Variants in WRAP53 observed in about 807,000 individuals in gnomAD.
WRAP53 encodes the protein WD repeat containing antisense to TP53, also known as telomerase Cajal body protein 1.
WRAP53 carries 28 observed loss-of-function variants against 56.6 expected under a neutral mutation model. That is an observed-to-expected ratio of 0.50 (90% confidence interval 0.37 to 0.68). WRAP53 has a LOEUF of 0.68. WRAP53 is among the 30% of genes least tolerant of loss of function. The pLI is 0.00. For synonymous variants in WRAP53, 283 were observed against 283.4 expected, an observed-to-expected ratio of 1.00 and a Z score of 0.01; for missense variants, 671 against 715.5, an observed-to-expected ratio of 0.94 and a Z score of 0.71.
chr17:7,702,961 C>A lies in WRAP53; in HGVS notation c.1269-32C>A, dbSNP rs1168125599. The stretch of plus-strand genomic sequence containing the variant: ...GGGGTTCCTGCCCCAGGGGTGAGGC[C>A]TCTGCCAGCAAATCTCTCCTCTCTC... On this transcript the variant is annotated intron_variant, in intron 9 of 10. Transcript: ENST00000396463. The surrounding 1 kb of genome is among the most constrained non-coding windows in gnomAD (Gnocchi z 5.0). 1 of 1,613,210 alleles carries A rather than the reference C, an allele frequency of 6.2e-7. No individual in the cohort carries two copies. The highest frequency in any genetic ancestry group is 8.5e-7 in the Non-Finnish European group (1 of 1,180,014).
chr17:7,700,865 C>T (rs115388376), intron 5 of WRAP53, 36 bp downstream of exon 5: 1 of 1,503,122 alleles, frequency 6.7e-7, no homozygotes, highest in African/African-American at 1.4e-5. Flanking sequence ...GCCGCCCCAC[C>T]ACCCAGTTTC....
chr17:7,686,090 C>G (rs1408496711), upstream of WRAP53: 1 of 152,242 alleles, frequency 6.6e-6, no homozygotes, highest in East Asian at 1.9e-4. Context: ...GTTCCGCCTC[C>G]TACCAGGAAG....
intron 4 of WRAP53, among the ~76,000 whole-genome samples, chr17:7,693,727 T>A (rs972742218): frequency 4.0e-5 from 6 of 151,474 alleles, no homozygotes; most frequent in African/African-American, 1.2e-4. Flanking sequence ...CAAAAAAAAA[T>A]AATAAAATTA....
Position 7,688,542 on chromosome 17 carries a change from A to T in WRAP53, c.-21A>T, listed in dbSNP as rs1449761975. Reference sequence around the variant, plus strand: ...TCCCGGGAGTCTTCTGCCTACTCCCAGAAGAGGAGGGAAGCACAGGTGGGT... The same window carrying T: ...TCCCGGGAGTCTTCTGCCTACTCCCTGAAGAGGAGGGAAGCACAGGTGGGT... On this transcript the variant is annotated 5_prime_UTR_variant, in exon 1 of 11. Transcript: ENST00000396463. 10 of 1,253,486 alleles carry T rather than the reference A, an allele frequency of 8.0e-6. No homozygotes were observed. The African/African-American group carries it at 1.5e-4, about 19-fold the overall frequency. 77.6% of individuals were successfully genotyped at this position (1,253,486 alleles called of 1,614,324 possible).
Position 7,702,350 on chromosome 17 carries a change from A to T in WRAP53, c.962A>T (p.Lys321Met). Residue 321 changes from lysine (K) to methionine (M), a missense_variant, in exon 8 of 11, where the codon AAG becomes ATG. Lys to Met is a moderately conservative substitution (Grantham distance 95, BLOSUM62 -1). Around this residue, in one of 3 missense-constraint regions of WRAP53, gnomAD observed 406 missense variants for 418.5 expected, o/e 0.97. Coordinates refer to ENST00000396463, the MANE Select transcript of WRAP53 (RefSeq NM_001143992.2). The surrounding 1 kb of genome is among the most constrained non-coding windows in gnomAD (Gnocchi z 5.0). Reference protein sequence around the residue: ...DCEVRATFAKKQGQSGIISCI... With the variant: ...DCEVRATFAKMQGQSGIISCI... Reference sequence around the variant, plus strand: ...TTGTTCCTTCCCTCTCTAGCAAAAAAGCAGGGCCAGAGCGGCATCATCTCC... The same window carrying T: ...TTGTTCCTTCCCTCTCTAGCAAAAATGCAGGGCCAGAGCGGCATCATCTCC... The T allele has an allele frequency of 4.3e-6, 7 of 1,614,122 alleles. No individual in the cohort carries two copies. Among genetic ancestry groups the T allele is most frequent in the Non-Finnish European group, 5.9e-6 (7 of 1,180,028 alleles).
At position 7,689,328 on chromosome 17, in the gene WRAP53, G is replaced by T. The variant is rs1304712739; in HGVS notation, c.530+6G>T. 1.2e-6 allele frequency: 2 copies of T among 1,613,820 alleles called. No homozygotes were observed. The highest frequency in any genetic ancestry group is 1.7e-6 in the Non-Finnish European group (2 of 1,179,896). On this transcript the variant is annotated splice_donor_region_variant and intron_variant, in intron 3 of 10. Transcript: ENST00000396463. ...TTCTTGAAAGGCTGTAAGTGGTAAG[G>T]ATAACAACGGGGCAGGGAGCTGACC...
At position 7,702,001 on chromosome 17, in the gene WRAP53, C is replaced by A; in HGVS notation, c.955+212C>A. 1.3e-6 allele frequency: 1 copy of A among 794,018 alleles called. No individual in the cohort carries two copies. The highest frequency in any genetic ancestry group is 1.5e-5 in the South Asian group (1 of 68,548). 49.2% of individuals were successfully genotyped at this position (794,018 alleles called of 1,614,324 possible). On this transcript the variant is annotated intron_variant, in intron 7 of 10. Coordinates refer to ENST00000396463, the MANE Select transcript of WRAP53 (RefSeq NM_001143992.2). This position sits in a 1 kb window ranked among gnomAD's most constrained non-coding sequence, Gnocchi z 5.0. ...AACCAGCTGGTCAAAGGACTGCTTCCTTCCTGAACTCATACCCTGTCAGCT... is the reference window on the plus strand; with the variant it reads ...AACCAGCTGGTCAAAGGACTGCTTCATTCCTGAACTCATACCCTGTCAGCT...
chr17:7,699,400 A>T (rs1343898444), intron 4 of WRAP53, among the ~76,000 whole-genome samples: 1 of 141,726 alleles, frequency 7.1e-6, no homozygotes, highest in Non-Finnish European at 1.5e-5. Flanking sequence ...AGCCTGGGTG[A>T]CAGAGTGAGA....
intron 4 of WRAP53, 114 bp from the exon 5 acceptor site, chr17:7,700,625 TGA>T: frequency 1.3e-6 from 1 of 776,942 alleles, no homozygotes; most frequent in Admixed American, 1.7e-5. Context: ...CCTTGAACAT[TGA>T]GACAGAGTCT....
Position 7,701,452 on chromosome 17 carries a change from C to T in WRAP53, c.732-7C>T, listed in dbSNP as rs764309128. The T allele has an allele frequency of 3.7e-6, 6 of 1,614,118 alleles. No individual in the cohort carries two copies. Among genetic ancestry groups the T allele is most frequent in the Non-Finnish European group, 5.1e-6 (6 of 1,180,042 alleles). Reference sequence around the variant, plus strand: ...CACCGGGGTTTCAGTGTCCATGTCTCTCTCAGCGTGGCCAGCAGCAGCCGG... The same window carrying T: ...CACCGGGGTTTCAGTGTCCATGTCTTTCTCAGCGTGGCCAGCAGCAGCCGG... On this transcript the variant is annotated splice_polypyrimidine_tract_variant and splice_region_variant and intron_variant, in intron 5 of 10. Coordinates refer to ENST00000396463, the MANE Select transcript of WRAP53 (RefSeq NM_001143992.2). This position sits in a 1 kb window ranked among gnomAD's most constrained non-coding sequence, Gnocchi z 4.2.
intron 4 of WRAP53, among the ~76,000 whole-genome samples, chr17:7,693,065 G>A (rs1383849609): frequency 3.3e-5 from 5 of 151,818 alleles, no homozygotes; most frequent in Non-Finnish European, 7.4e-5. Context: ...CTCTAAATTC[G>A]CCTCACTGCA....
At position 7,701,857 on chromosome 17, in the gene WRAP53, T is replaced by A; in HGVS notation, c.955+68T>A. On this transcript the variant is annotated intron_variant, in intron 7 of 10. Transcript: ENST00000396463. This position sits in a 1 kb window ranked among gnomAD's most constrained non-coding sequence, Gnocchi z 4.2. ...CTGCCACCTGCACAGGGGCCTTTTG[T>A]GAGCCGGGGGCCACCTGTGGGGGTT... is the stretch of plus-strand genomic sequence containing the variant. The A allele has an allele frequency of 1.3e-6, 2 of 1,571,286 alleles. No homozygotes were observed. The highest frequency in any genetic ancestry group is 4.7e-5 in the East Asian group (2 of 42,654).
chr17:7,689,220 T>C lies in WRAP53; in HGVS notation c.432-4T>C, dbSNP rs1467224906. ...AGGTTTATTGTCCCCCATCTTCCTTTCAGCGCTTGGAACTACAGCTTCTCC... is the reference window on the plus strand; with the variant it reads ...AGGTTTATTGTCCCCCATCTTCCTTCCAGCGCTTGGAACTACAGCTTCTCC... On this transcript the variant is annotated splice_region_variant and splice_polypyrimidine_tract_variant and intron_variant, in intron 2 of 10. Coordinates refer to ENST00000396463, the MANE Select transcript of WRAP53 (RefSeq NM_001143992.2). 6.2e-7 allele frequency: 1 copy of C among 1,613,994 alleles called. No homozygotes were observed. Among genetic ancestry groups the C allele is most frequent in the East Asian group, 2.2e-5 (1 of 44,870 alleles).
chr17:7,689,371 T>C lies in WRAP53; in HGVS notation c.530+49T>C, dbSNP rs547410263. Reference sequence around the variant, plus strand: ...AGCTGACCACCCCCGAGATTTTCACTGTAAAACAGTCCAGTTTTCTAGGAG... The same window carrying C: ...AGCTGACCACCCCCGAGATTTTCACCGTAAAACAGTCCAGTTTTCTAGGAG... On this transcript the variant is annotated intron_variant, in intron 3 of 10. Transcript: ENST00000396463. 3.2e-6 allele frequency: 5 copies of C among 1,583,320 alleles called. No individual in the cohort carries two copies. In the African/African-American group the frequency reaches 6.7e-5, roughly 21 times the overall value.
chr17:7,687,985 G>A (rs1247402728), upstream of WRAP53: 1 of 183,466 alleles, frequency 5.5e-6, no homozygotes, highest in Non-Finnish European at 1.1e-5. Flanking sequence ...TTTGTTCATT[G>A]CTTTCAGTAC....
At position 7,688,641 on chromosome 17, in the gene WRAP53, T is replaced by TC. The variant is rs759226877; in HGVS notation, c.-1-6dup. The TC allele has an allele frequency of 6.2e-7, 1 of 1,614,174 alleles. No homozygotes were observed. The highest frequency in any genetic ancestry group is 1.7e-5 in the Admixed American group (1 of 60,024). On this transcript the variant is annotated splice_polypyrimidine_tract_variant and splice_region_variant and intron_variant, in intron 1 of 10. Transcript: ENST00000396463. ...TGAGGCTAATCTCCGCTGTGCTTCC[T>TC]CTGCAGTATGAAGACTTTGGAGACT... is the stretch of plus-strand genomic sequence containing the variant.
Position 7,702,500 on chromosome 17 carries a change from C to T in WRAP53, c.1112C>T (p.Thr371Ile), listed in dbSNP as rs1177021435. 2 of 1,613,496 alleles carry T rather than the reference C, an allele frequency of 1.2e-6. No homozygotes were observed. Among genetic ancestry groups the T allele is most frequent in the Non-Finnish European group, 8.5e-7 (1 of 1,180,002 alleles). Residue 371 changes from threonine (T) to isoleucine (I), a missense_variant, in exon 8 of 11, where the codon ACC (threonine) becomes ATC (isoleucine). Physicochemically the swap from Thr to Ile is moderately conservative, Grantham distance 89. Coordinates refer to ENST00000396463, the MANE Select transcript of WRAP53 (RefSeq NM_001143992.2). The surrounding 1 kb of genome is among the most constrained non-coding windows in gnomAD (Gnocchi z 5.0). Reference protein sequence around the residue: ...ALLGGHQGGITHLCFHPDGNR... With the variant: ...ALLGGHQGGIIHLCFHPDGNR... ...CTGGGAGGGCACCAAGGGGGCATCACCCACCTCTGCTTTCATCCCGATGGC... is the reference window on the plus strand; with the variant it reads ...CTGGGAGGGCACCAAGGGGGCATCATCCACCTCTGCTTTCATCCCGATGGC...
At chr17:7,695,685 C>T (rs997247645) in intron 4 of WRAP53, among the ~76,000 whole-genome samples, 2 of 152,154 alleles carry the variant, frequency 1.3e-5, no homozygotes, top group African/African-American at 4.8e-5. Context: ...TCCTGTTCGC[C>T]CGCCATTTTG....
chr17:7,690,099 C>T (rs1369323835), intron 4 of WRAP53, among the ~76,000 whole-genome samples: 1 of 152,182 alleles, frequency 6.6e-6, no homozygotes, highest in African/African-American at 2.4e-5. Flanking sequence ...CAGGCGCACG[C>T]CATCACACTC....
Sources: allele counts gnomAD v4.1 joint callset (sites outside exome capture counted in the v4.1 genomes callset), GRCh38; gene constraint gnomAD v4.1.1; regional missense constraint gnomAD v4.1.1; non-coding constraint Gnocchi (gnomAD v3.1); transcripts MANE v1.5; gene names NCBI Gene and HGNC (gene_info 2026-07-23, HGNC 2026-07-21).